Variants in GALNT18 observed in about 807,000 individuals in gnomAD.
GALNT18 encodes the protein GalNAc-transferase 18.
Under a neutral mutation model 69.5 loss-of-function variants are expected in GALNT18, and 44 were observed. The observed-to-expected ratio is 0.63, with a 90% CI of 0.50 to 0.81. GALNT18 has a LOEUF of 0.81. GALNT18 is among the 40% of genes least tolerant of loss of function. The pLI is 0.00. For missense variants in GALNT18, 715 were observed against 810.0 expected (o/e 0.88, Z 1.42); for synonymous variants, 364 against 318.2 (o/e 1.14, Z -1.53).
chr11:11,620,217 G>T lies in GALNT18; in HGVS notation c.235+1142C>A, dbSNP rs755520358. On this transcript the variant is annotated intron_variant, in intron 1 of 10. Coordinates refer to ENST00000227756, the MANE Select transcript of GALNT18 (RefSeq NM_198516.3). This position sits in a 1 kb window ranked among gnomAD's most constrained non-coding sequence, Gnocchi z 6.9. ...ACTGGCCCCTGAGCCTGGTGGGCCT[G>T]CTAGGTTTACAGGGGAACCAAGCTC... Among the ~76,000 whole-genome samples the T allele has an allele frequency of 9.9e-5, 15 of 152,146 alleles. No individual in the cohort carries two copies. Among genetic ancestry groups the T allele is most frequent in the Non-Finnish European group, 2.2e-4 (15 of 68,004 alleles).
At chr11:11,434,678 G>C (rs147935886) in intron 2 of GALNT18, among the ~76,000 whole-genome samples, 2 of 152,264 alleles carry the variant, frequency 1.3e-5, no homozygotes, top group East Asian at 3.9e-4. Context: ...AAGGAAACCA[G>C]TGCTGTGGCT....
intron 3 of GALNT18, among the ~76,000 whole-genome samples, chr11:11,416,224 C>T (rs764063056): frequency 3.4e-4 from 52 of 152,208 alleles, no homozygotes; most frequent in Non-Finnish European, 6.6e-4. Flanking sequence ...AGTGCTACCA[C>T]TGGGTAGCCT....
chr11:11,436,112 A>T lies in GALNT18; in HGVS notation c.429-3325T>A, dbSNP rs1855396631. Reference sequence around the variant, plus strand: ...GCGAGGGGTGGGCAGGGTAAGGAAGATGATATGGGGGGATCGTTTTTGGGA... The same window carrying T: ...GCGAGGGGTGGGCAGGGTAAGGAAGTTGATATGGGGGGATCGTTTTTGGGA... On this transcript the variant is annotated intron_variant, in intron 2 of 10. Coordinates refer to ENST00000227756, the MANE Select transcript of GALNT18 (RefSeq NM_198516.3). The surrounding 1 kb of genome is among the most constrained non-coding windows in gnomAD (Gnocchi z 4.5). 6.6e-6 allele frequency among the ~76,000 whole-genome samples: 1 copy of T among 152,204 alleles called. No homozygotes were observed. Among genetic ancestry groups the T allele is most frequent in the Admixed American group, 6.5e-5 (1 of 15,278 alleles).
At chr11:11,447,699 G>A (rs553578890) in intron 2 of GALNT18, among the ~76,000 whole-genome samples, 3 of 152,242 alleles carry the variant, frequency 2.0e-5, no homozygotes, top group East Asian at 3.9e-4. Context: ...AATGCCAGAC[G>A]CTTATAAAAC....
At chr11:11,378,992 A>G in intron 4 of GALNT18, 89 bp downstream of exon 4, 1 of 1,245,800 alleles carries the variant, frequency 8.0e-7, no homozygotes, top group Non-Finnish European at 1.1e-6. Context: ...CCCTTAGGCT[A>G]TGACCAAGAT....
chr11:11,537,970 C>G (rs1384325470), intron 1 of GALNT18, among the ~76,000 whole-genome samples: 6 of 152,096 alleles, frequency 3.9e-5, no homozygotes, highest in Admixed American at 2.0e-4. Context: ...CAATTTTAAT[C>G]TAATACAACT....
intron 1 of GALNT18, among the ~76,000 whole-genome samples, chr11:11,527,682 T>C (rs1160100230): frequency 6.6e-6 from 1 of 152,260 alleles, no homozygotes; most frequent in Non-Finnish European, 1.5e-5. Flanking sequence ...ATTTTCCATG[T>C]TCTGCTTTCT....
intron 1 of GALNT18, among the ~76,000 whole-genome samples, chr11:11,577,724 A>T (rs1858960917): frequency 6.6e-6 from 1 of 152,204 alleles, no homozygotes; most frequent in Non-Finnish European, 1.5e-5. Context: ...TCTTCTTGTC[A>T]AGAGGAGGCA....
rs1590146081 is a variant in GALNT18, at chr11:11,620,318, C to G, written c.235+1041G>C. On this transcript the variant is annotated intron_variant, in intron 1 of 10. Coordinates refer to ENST00000227756, the MANE Select transcript of GALNT18 (RefSeq NM_198516.3). This position sits in a 1 kb window ranked among gnomAD's most constrained non-coding sequence, Gnocchi z 6.9. Reference sequence around the variant, plus strand: ...GGAGGGGAGGAAGTGTGGACGTGAGCGCGCGCGCGCGCGCGTGTGTGTGTG... The same window carrying G: ...GGAGGGGAGGAAGTGTGGACGTGAGGGCGCGCGCGCGCGCGTGTGTGTGTG... 1.9e-5 allele frequency among the ~76,000 whole-genome samples: 1 copy of G among 52,662 alleles called. No individual in the cohort carries two copies. Among genetic ancestry groups the G allele is most frequent in the South Asian group, 7.4e-4 (1 of 1,354 alleles). 34.5% of individuals were successfully genotyped at this position (52,662 alleles called of 152,430 possible).
At chr11:11,484,799 G>A (rs1565028) in intron 1 of GALNT18, among the ~76,000 whole-genome samples, 46,245 of 151,972 alleles carry the variant, frequency 0.3, 7,356 homozygotes, top group East Asian at 0.42. Context: ...GTCCAAAGCA[G>A]GTGAGGAGAA....
Position 11,270,903 on chromosome 11 carries a change from T to A in GALNT18, c.*241A>T, listed in dbSNP as rs140093060. 9.1e-5 allele frequency: 37 copies of A among 407,900 alleles called. No homozygotes were observed. In the East Asian group the frequency reaches 1.2e-3, roughly 13 times the overall value. The allele number at this position is 407,900 out of a possible 1,614,324, so 25.3% of individuals were successfully genotyped here. A position where few individuals can be genotyped will look rare whatever the true frequency, so the allele number is the denominator to read the frequency against. The stretch of plus-strand genomic sequence containing the variant: ...TTTCTTAATAATATTTTATTGTCAG[T>A]TATAAATATTTTCCATCTGTCCCCT... On this transcript the variant is annotated 3_prime_UTR_variant, in exon 11 of 11. Coordinates refer to ENST00000227756, the MANE Select transcript of GALNT18 (RefSeq NM_198516.3).
intron 1 of GALNT18, among the ~76,000 whole-genome samples, chr11:11,567,406 C>T (rs1858679663): frequency 6.6e-6 from 1 of 152,168 alleles, no homozygotes; most frequent in Non-Finnish European, 1.5e-5. Context: ...CATTTGGAGG[C>T]TCGGTATCTT....
chr11:11,329,736 GGAGTGGGTGAGT>G (rs1302123222), intron 8 of GALNT18, among the ~76,000 whole-genome samples: 1 of 152,196 alleles, frequency 6.6e-6, no homozygotes, highest in African/African-American at 2.4e-5. Context: ...CAACACTCGT[GGAGTGGGTGAGT>G]GAGTGGGTAC....
At position 11,494,748 on chromosome 11, in the gene GALNT18, T is replaced by G. The variant is rs1227699241; in HGVS notation, c.236-45812A>C. 6.6e-6 allele frequency among the ~76,000 whole-genome samples: 1 copy of G among 152,216 alleles called. No individual in the cohort carries two copies. Among genetic ancestry groups the G allele is most frequent in the Non-Finnish European group, 1.5e-5 (1 of 68,030 alleles). On this transcript the variant is annotated intron_variant, in intron 1 of 10. Transcript: ENST00000227756. This position sits in a 1 kb window ranked among gnomAD's most constrained non-coding sequence, Gnocchi z 5.7. Reference sequence around the variant, plus strand: ...ACTCCTCATCCTGGGGCATTTCCACTATAGCCAAATCAGAGAGATGAATCC... The same window carrying G: ...ACTCCTCATCCTGGGGCATTTCCACGATAGCCAAATCAGAGAGATGAATCC...
intron 3 of GALNT18, among the ~76,000 whole-genome samples, chr11:11,420,559 A>C (rs1270219745): frequency 6.6e-6 from 1 of 152,146 alleles, no homozygotes. Context: ...GGAGCATTTG[A>C]TTTGTTGAGT....
rs1330754395 is a variant in GALNT18, at chr11:11,413,354, T to C, written c.595+19267A>G. Reference sequence around the variant, plus strand: ...CCAAACATCCCTCTGGAGGTGCAGATGCCCCATTAGGACTCAGAGGCACTC... The same window carrying C: ...CCAAACATCCCTCTGGAGGTGCAGACGCCCCATTAGGACTCAGAGGCACTC... On this transcript the variant is annotated intron_variant, in intron 3 of 10. Coordinates refer to ENST00000227756, the MANE Select transcript of GALNT18 (RefSeq NM_198516.3). This position sits in a 1 kb window ranked among gnomAD's most constrained non-coding sequence, Gnocchi z 4.7. Among the ~76,000 whole-genome samples, 1 of 152,154 alleles carries C rather than the reference T, an allele frequency of 6.6e-6. No individual in the cohort carries two copies. Among genetic ancestry groups the C allele is most frequent in the Non-Finnish European group, 1.5e-5 (1 of 68,026 alleles).
At chr11:11,460,356 C>T (rs1564960501) in intron 1 of GALNT18, among the ~76,000 whole-genome samples, 1 of 152,272 alleles carries the variant, frequency 6.6e-6, no homozygotes, top group South Asian at 2.1e-4. Flanking sequence ...AGGCAAAATA[C>T]CAATAGCTGA....
intron 1 of GALNT18, among the ~76,000 whole-genome samples, chr11:11,594,022 T>C (rs1859427148): frequency 6.6e-6 from 1 of 152,230 alleles, no homozygotes; most frequent in Non-Finnish European, 1.5e-5. Flanking sequence ...GGCTACATAG[T>C]AGATTCTCCG....
chr11:11,516,041 G>T (rs1044714614), intron 1 of GALNT18, among the ~76,000 whole-genome samples: 1 of 152,206 alleles, frequency 6.6e-6, no homozygotes, highest in Non-Finnish European at 1.5e-5. Flanking sequence ...CAGTCTAGGA[G>T]TATATGGGGC....
Sources: allele counts gnomAD v4.1 joint callset (sites outside exome capture counted in the v4.1 genomes callset), GRCh38; gene constraint gnomAD v4.1.1; non-coding constraint Gnocchi (gnomAD v3.1); transcripts MANE v1.5; gene names NCBI Gene and HGNC (gene_info 2026-07-23, HGNC 2026-07-21).